PIP5K1A: variants seen among roughly 807,000 people sequenced by gnomAD.
PIP5K1A encodes phosphatidylinositol 4-phosphate 5-kinase type-1 alpha.
In PIP5K1A, 46 loss-of-function variants were observed where a neutral mutation model predicts 72.9. The ratio of observed to expected loss-of-function variants is 0.63; its 90% CI spans 0.50 to 0.81. The LOEUF is 0.81. PIP5K1A is among the 30% of genes least tolerant of loss of function. The pLI, the probability that PIP5K1A is intolerant of heterozygous loss-of-function variation, is 0.00. For missense variants in PIP5K1A, 458 were observed against 706.1 expected, an observed-to-expected ratio of 0.65 and a Z score of 3.98; for synonymous variants, 228 against 255.1, an observed-to-expected ratio of 0.89 and a Z score of 1.01.
chr1:151,232,180 C>A (rs913215047), intron 5 of PIP5K1A, 68 bp from the exon 6 acceptor site: 15 of 1,053,316 alleles, frequency 1.4e-5, no homozygotes, highest in Admixed American at 8.5e-5. Context: ...CTCTGAGTGT[C>A]TTCGCAAGGT....
intron 4 of PIP5K1A, among the ~76,000 whole-genome samples, chr1:151,230,534 C>T (rs1310507703): frequency 6.6e-6 from 1 of 152,126 alleles, no homozygotes; most frequent in Non-Finnish European, 1.5e-5. Context: ...GTTAGGAGCT[C>T]TTTTACCACA....
At chr1:151,215,026 CTTTTTTTTTTTTT>C (rs981508990) in intron 1 of PIP5K1A, among the ~76,000 whole-genome samples, 2 of 115,088 alleles carry the variant, frequency 1.7e-5, no homozygotes, top group African/African-American at 6.6e-5. Context: ...CCTGTGCATT[CTTTTTTTTTTTTT>C]TTTTTTTTGA....
At chr1:151,203,112 A>G (rs1203007038) in intron 1 of PIP5K1A, among the ~76,000 whole-genome samples, 2 of 152,112 alleles carry the variant, frequency 1.3e-5, no homozygotes, top group African/African-American at 2.4e-5. Context: ...AGAGTAAAGA[A>G]TTTCTGTCTT....
At chr1:151,211,415 G>T (rs587702519) in intron 1 of PIP5K1A, among the ~76,000 whole-genome samples, 114 of 152,300 alleles carry the variant, frequency 7.5e-4, no homozygotes, top group Non-Finnish European at 1.3e-3. Flanking sequence ...AACCTGAGAG[G>T]TTGAGGCTGC....
chr1:151,201,152 A>G (rs1685169715), intron 1 of PIP5K1A, among the ~76,000 whole-genome samples: 1 of 152,134 alleles, frequency 6.6e-6, no homozygotes, highest in African/African-American at 2.4e-5. Flanking sequence ...TATTTTTAAT[A>G]GAGTAGCTCC....
intron 4 of PIP5K1A, among the ~76,000 whole-genome samples, chr1:151,228,761 G>T (rs1253860627): frequency 1.3e-5 from 2 of 152,058 alleles, no homozygotes; most frequent in Non-Finnish European, 2.9e-5. Flanking sequence ...TGTAAATTTT[G>T]TGTTCATTCT....
chr1:151,200,498 A>G (rs1357882623), intron 1 of PIP5K1A, among the ~76,000 whole-genome samples: 1 of 152,058 alleles, frequency 6.6e-6, no homozygotes, highest in Non-Finnish European at 1.5e-5. Context: ...TGCTGCTTCT[A>G]CACTGGAATA....
At chr1:151,243,818 T>C (rs921908530) in intron 14 of PIP5K1A, among the ~76,000 whole-genome samples, 1 of 152,202 alleles carries the variant, frequency 6.6e-6, no homozygotes, top group Admixed American at 6.5e-5. Flanking sequence ...CCTGTGATTC[T>C]CCTTGGGATT....
chr1:151,227,375 C>G lies in PIP5K1A; in HGVS notation c.212C>G (p.Ser71Cys), dbSNP rs1689310595. 2 of 1,612,336 alleles carry G rather than the reference C, an allele frequency of 1.2e-6. No individual in the cohort carries two copies. The highest frequency in any genetic ancestry group is 3.3e-5 in the Admixed American group (2 of 60,006). The change falls in exon 4 of 16, where the codon TCC (serine) becomes TGC (cysteine). Residue 71 changes from serine (S) to cysteine (C), a missense_variant. Physicochemically the swap from Ser to Cys is moderately radical, Grantham distance 112 (BLOSUM62 -1). Around this residue, in one of 3 missense-constraint regions of PIP5K1A, gnomAD observed 81 missense variants for 88.0 expected, o/e 0.92. Coordinates refer to ENST00000368888, the MANE Select transcript of PIP5K1A (RefSeq NM_001135638.2). ...IKKIGHRSVD[S>C]SGETTYKKTT... is the part of the protein sequence containing the mutation. The stretch of plus-strand genomic sequence containing the variant: ...AAAATAGGCCATAGAAGTGTTGATT[C>G]CTCAGGAGAGACAACATATAAAAAG...
Position 151,198,573 on chromosome 1 carries a change from G to T in PIP5K1A, c.-424G>T, listed in dbSNP as rs924225386. ...CTCGGATTTTTTGCTTGGCTACCCG[G>T]AGTGAAGCGGCCGGGTTGGGCGATT... On this transcript the variant is annotated 5_prime_UTR_variant, in exon 1 of 16. Coordinates refer to ENST00000368888, the MANE Select transcript of PIP5K1A (RefSeq NM_001135638.2). 2 of 202,156 alleles carry T rather than the reference G, an allele frequency of 9.9e-6. No homozygotes were observed. The highest frequency in any genetic ancestry group is 1.0e-5 in the Non-Finnish European group (1 of 96,694). 12.5% of individuals were successfully genotyped at this position (202,156 alleles called of 1,614,324 possible).
chr1:151,229,239 T>A (rs2102559183), intron 4 of PIP5K1A, among the ~76,000 whole-genome samples: 1 of 146,266 alleles, frequency 6.8e-6, no homozygotes, highest in African/African-American at 2.5e-5. Context: ...CAGACTGGAA[T>A]GCAGTGGGTG....
intron 1 of PIP5K1A, among the ~76,000 whole-genome samples, chr1:151,206,557 T>TTTTTGTTTTG (rs1016524634): frequency 6.6e-6 from 1 of 152,098 alleles, no homozygotes; most frequent in Non-Finnish European, 1.5e-5. Context: ...ATTAATACTT[T>TTTTTGTTTTG]TTTTGTTTTG....
Position 151,246,590 on chromosome 1 carries a change from A to G in PIP5K1A, c.1641-330A>G, listed in dbSNP as rs587701235. The stretch of plus-strand genomic sequence containing the variant: ...TCATGAGAAGAGAATCACTAAATGC[A>G]GCCCACACTTGAGAGAGAATTACAC... On this transcript the variant is annotated intron_variant, in intron 14 of 15. Transcript: ENST00000368888. Among the ~76,000 whole-genome samples the G allele has an allele frequency of 2.6e-3, 401 of 152,270 alleles. 1 individual carries two copies. The highest frequency in any genetic ancestry group is 4.0e-3 in the Non-Finnish European group (272 of 68,038).
Position 151,240,195 on chromosome 1 carries a change from T to TA in PIP5K1A, c.1363+157dup, listed in dbSNP as rs1163505626. The TA allele has an allele frequency of 4.9e-6, 3 of 610,486 alleles. No homozygotes were observed. In the African/African-American group the frequency reaches 5.8e-5, roughly 12 times the overall value. The allele number at this position is 610,486 out of a possible 1,614,324, so 37.8% of individuals were successfully genotyped here. ...GAGAGCCATTTCTTGTCCTTTGTGT[T>TA]AGTCTGTCATAGTCATTTCCAAGTT... On this transcript the variant is annotated intron_variant, in intron 12 of 15. Coordinates refer to ENST00000368888, the MANE Select transcript of PIP5K1A (RefSeq NM_001135638.2).
At chr1:151,237,000 T>G (rs1384467936) in intron 9 of PIP5K1A, among the ~76,000 whole-genome samples, 1 of 152,040 alleles carries the variant, frequency 6.6e-6, no homozygotes, top group African/African-American at 2.4e-5. Context: ...GCTAATTTTT[T>G]GTATTTTTAG....
chr1:151,207,777 G>T (rs1483170361), intron 1 of PIP5K1A, among the ~76,000 whole-genome samples: 1 of 151,504 alleles, frequency 6.6e-6, no homozygotes, highest in African/African-American at 2.4e-5. Context: ...TGATCTGCCT[G>T]CATCGGCCTC....
chr1:151,199,250 G>C lies in PIP5K1A; in HGVS notation c.85+169G>C. Reference sequence around the variant, plus strand: ...ATGAGCGGGCAGGAGTTTGAGGAAAGGATAAGTTTGATTAAGAAGTTGTCG... The same window carrying C: ...ATGAGCGGGCAGGAGTTTGAGGAAACGATAAGTTTGATTAAGAAGTTGTCG... On this transcript the variant is annotated intron_variant, in intron 1 of 15. Transcript: ENST00000368888. The C allele has an allele frequency of 2.3e-6, 3 of 1,318,292 alleles. No individual in the cohort carries two copies. In the South Asian group the frequency reaches 4.3e-5, roughly 19 times the overall value. The allele number at this position is 1,318,292 out of a possible 1,614,324, so 81.7% of individuals were successfully genotyped here.
At chr1:151,233,751 T>G (rs761624767) in intron 7 of PIP5K1A, 1 of 157,780 alleles carries the variant, frequency 6.3e-6, no homozygotes, top group Non-Finnish European at 1.4e-5. Flanking sequence ...TTTCGTCTTC[T>G]GTTCTTAGTT....
chr1:151,229,078 G>A (rs1479416422), intron 4 of PIP5K1A, among the ~76,000 whole-genome samples: 4 of 131,106 alleles, frequency 3.1e-5, no homozygotes, highest in Admixed American at 9.3e-5. Context: ...TGAGACATGA[G>A]AATAGCTTGA....
Sources: allele counts gnomAD v4.1 joint callset (sites outside exome capture counted in the v4.1 genomes callset), GRCh38; gene constraint gnomAD v4.1.1; regional missense constraint gnomAD v4.1.1; transcripts MANE v1.5; gene names NCBI Gene and HGNC (gene_info 2026-07-23, HGNC 2026-07-21).